The following ASAP2 variants were observed in gnomAD, a reference collection of about 807,000 sequenced individuals.
The protein encoded by ASAP2 is arf-GAP with SH3 domain, ANK repeat and PH domain-containing protein 2.
In ASAP2, 45 loss-of-function variants were observed where a neutral mutation model predicts 131.4. The ratio of observed to expected loss-of-function variants is 0.34; its 90% CI spans 0.27 to 0.44. The LOEUF (loss-of-function observed/expected upper bound fraction) is 0.44. Ranked by LOEUF, ASAP2 falls within the 20% of genes least tolerant of loss-of-function variation. The pLI is 1.00. For missense variants in ASAP2, 1,011 were observed against 1,297.0 expected (o/e 0.78, Z 3.39); for synonymous variants, 510 against 503.0 (o/e 1.01, Z -0.19).
intron 1 of ASAP2, among the ~76,000 whole-genome samples, chr2:9,244,402 A>G (rs1420547620): frequency 2.0e-5 from 3 of 152,256 alleles, no homozygotes; most frequent in South Asian, 2.1e-4. Flanking sequence ...TTGTCTTTGG[A>G]AGATTAAGTG....
intron 9 of ASAP2, 138 bp downstream of exon 9, chr2:9,335,317 G>A (rs1357375866): frequency 7.2e-6 from 5 of 697,732 alleles, no homozygotes; most frequent in Non-Finnish European, 1.2e-5. Flanking sequence ...AACATTTAAT[G>A]TATTCTTGCA....
intron 1 of ASAP2, among the ~76,000 whole-genome samples, chr2:9,271,963 T>G (rs888134657): frequency 6.6e-6 from 1 of 152,204 alleles, no homozygotes; most frequent in Non-Finnish European, 1.5e-5. Flanking sequence ...CTTCTGTTAG[T>G]GGACACTTAG....
chr2:9,364,687 C>G (rs937963889), intron 15 of ASAP2, among the ~76,000 whole-genome samples: 4 of 152,208 alleles, frequency 2.6e-5, no homozygotes, highest in African/African-American at 9.6e-5. Flanking sequence ...GAGAGGAAAG[C>G]TCCTCAAAGA....
Position 9,368,431 on chromosome 2 carries a change from A to G in ASAP2, c.1468A>G (p.Lys490Glu), listed in dbSNP as rs368092375. 3.1e-6 allele frequency: 5 copies of G among 1,614,032 alleles called. No individual in the cohort carries two copies. Among genetic ancestry groups the G allele is most frequent in the Non-Finnish European group, 4.2e-6 (5 of 1,180,016 alleles). The stretch of plus-strand genomic sequence containing the variant: ...TAGACTTTCATTTTTGCAGCTCGCC[A>G]AGAATATTGGGAATGCAGGCTTTAA... ...VLGTSELLLAKNIGNAGFNEI... is the reference protein window; with the variant it reads ...VLGTSELLLAENIGNAGFNEI... The change falls in exon 16 of 28, where the codon AAG (lysine) becomes GAG (glutamate). Residue 490 changes from lysine to glutamate, a missense_variant. By Grantham distance (56) the Lys-to-Glu change is moderately conservative (BLOSUM62 1). Transcript: ENST00000281419.
rs193157909 is a variant in ASAP2 at position 9,232,316 on chromosome 2, G to A, written c.126+25086G>A. Among the ~76,000 whole-genome samples, 183 of 152,184 alleles carry A rather than the reference G, an allele frequency of 1.2e-3. No individual in the cohort carries two copies. Among genetic ancestry groups the A allele is most frequent in the African/African-American group, 4.3e-3 (177 of 41,530 alleles). On this transcript the variant is annotated intron_variant, in intron 1 of 27. Coordinates refer to ENST00000281419, the MANE Select transcript of ASAP2 (RefSeq NM_003887.3). The surrounding 1 kb of genome is among the most constrained non-coding windows in gnomAD (Gnocchi z 4.1). ...TGTTTGTAGAGTCGCCCTGCTCTTC[G>A]TATCTCCCTGCCTGTTCTGTGAAGT... is the stretch of plus-strand genomic sequence containing the variant.
At position 9,395,594 on chromosome 2, in the gene ASAP2, C is replaced by CTTTTTTTTT; in HGVS notation, c.2684+1970_2684+1978dup. ...GTTTTGTTTTTCTTGTGTTTTTTTT[C>CTTTTTTTTT]TTTTTTTTTTTTTTTTTTTTTTTTT... On this transcript the variant is annotated intron_variant, in intron 24 of 27. Coordinates refer to ENST00000281419, the MANE Select transcript of ASAP2 (RefSeq NM_003887.3). Among the ~76,000 whole-genome samples the CTTTTTTTTT allele has an allele frequency of 2.3e-3, 137 of 59,056 alleles. 22 individuals are homozygous for CTTTTTTTTT. Among genetic ancestry groups the CTTTTTTTTT allele is most frequent in the Non-Finnish European group, 3.8e-3 (103 of 27,438 alleles). 38.7% of individuals were successfully genotyped at this position (59,056 alleles called of 152,430 possible). A position where few individuals can be genotyped will look rare whatever the true frequency, so the allele number is the denominator to read the frequency against.
chr2:9,259,567 A>G (rs568508233), intron 1 of ASAP2, among the ~76,000 whole-genome samples: 1 of 77,158 alleles, frequency 1.3e-5, no homozygotes, highest in African/African-American at 6.7e-5. Context: ...CCAAAACCTT[A>G]AGGAACAAAA....
At chr2:9,393,312 T>C (rs1004065514) in intron 23 of ASAP2, among the ~76,000 whole-genome samples, 170 bp from the exon 24 acceptor site, 2 of 152,338 alleles carry the variant, frequency 1.3e-5, no homozygotes, top group Middle Eastern at 3.4e-3. Context: ...GACTCCCTGC[T>C]TCCTCCCTGT....
Position 9,297,517 on chromosome 2 carries a change from G to GT in ASAP2, c.345+75dup. On this transcript the variant is annotated intron_variant, in intron 3 of 27. Coordinates refer to ENST00000281419, the MANE Select transcript of ASAP2 (RefSeq NM_003887.3). ...AGTGGCTCAGTAGAGGATAGTTATG[G>GT]TTTGTTTGATAAACTAGGAATGCAT... 5 of 1,555,398 alleles carry GT rather than the reference G, an allele frequency of 3.2e-6. No individual in the cohort carries two copies. In the South Asian group the frequency reaches 5.8e-5, roughly 18 times the overall value.
intron 20 of ASAP2, 79 bp from the exon 21 acceptor site, chr2:9,385,166 C>T (rs1344376168): frequency 2.7e-6 from 3 of 1,113,284 alleles, no homozygotes; most frequent in Non-Finnish European, 4.0e-6. Context: ...GGCAGGCCTC[C>T]TGCCTGCACA....
chr2:9,226,816 A>T (rs1302769890), intron 1 of ASAP2, among the ~76,000 whole-genome samples: 1 of 152,128 alleles, frequency 6.6e-6, no homozygotes, highest in Non-Finnish European at 1.5e-5. Flanking sequence ...TCGGTGTGTG[A>T]TCTCTCTCCC....
chr2:9,400,275 T>C (rs1195326868), intron 25 of ASAP2, among the ~76,000 whole-genome samples: 1,030 of 23,514 alleles, frequency 0.044, 7 homozygotes, highest in Non-Finnish European at 0.058. Context: ...TTCCTCTCCT[T>C]CCTTCCCTCC....
chr2:9,331,046 T>C (rs2148545238), intron 7 of ASAP2, among the ~76,000 whole-genome samples: 1 of 152,364 alleles, frequency 6.6e-6, no homozygotes, highest in Middle Eastern at 3.4e-3. Flanking sequence ...CGTGCGTGTT[T>C]CCACGTGTGG....
At chr2:9,267,476 A>G (rs1666019415) in intron 1 of ASAP2, among the ~76,000 whole-genome samples, 2 of 152,128 alleles carry the variant, frequency 1.3e-5, no homozygotes, top group Admixed American at 1.3e-4. Context: ...GACATGATTT[A>G]GTTCTTTTTT....
intron 6 of ASAP2, among the ~76,000 whole-genome samples, chr2:9,325,284 G>A (rs1670409352): frequency 6.6e-6 from 1 of 152,266 alleles, no homozygotes; most frequent in Non-Finnish European, 1.5e-5. Context: ...AGAAATCAGC[G>A]AGACAGCATG....
At chr2:9,351,026 A>G (rs1672298925) in intron 12 of ASAP2, 131 bp downstream of exon 12, 2 of 641,068 alleles carry the variant, frequency 3.1e-6, no homozygotes, top group Non-Finnish European at 5.0e-6. Flanking sequence ...TTCTAGTGAT[A>G]TGCGTGCTTT....
At chr2:9,401,777 G>A (rs1052046669) in intron 27 of ASAP2, among the ~76,000 whole-genome samples, 15 of 152,248 alleles carry the variant, frequency 9.9e-5, no homozygotes, top group Admixed American at 6.5e-4. Flanking sequence ...GTCTGGTCCT[G>A]AAACAAGCTG....
intron 24 of ASAP2, chr2:9,399,535 T>G: frequency 6.2e-6 from 1 of 162,376 alleles, no homozygotes; most frequent in Admixed American, 5.8e-5. Flanking sequence ...GCCCAGAGGT[T>G]CATGGATGGG....
rs1054695689 is a variant in ASAP2, at chr2:9,392,475, C to G, written c.2519-1007C>G. 4.6e-5 allele frequency among the ~76,000 whole-genome samples: 7 copies of G among 152,066 alleles called. No homozygotes were observed. Among genetic ancestry groups the G allele is most frequent in the African/African-American group, 1.4e-4 (6 of 41,394 alleles). ...GAGTCAGTGCCATGTGTGCACATGCCGGCAGCAGAGCCGGGAGCAGTGGGT... is the reference window on the plus strand; with the variant it reads ...GAGTCAGTGCCATGTGTGCACATGCGGGCAGCAGAGCCGGGAGCAGTGGGT... On this transcript the variant is annotated intron_variant, in intron 23 of 27. Coordinates refer to ENST00000281419, the MANE Select transcript of ASAP2 (RefSeq NM_003887.3). The surrounding 1 kb of genome is among the most constrained non-coding windows in gnomAD (Gnocchi z 4.0).
Sources: gnomAD v4.1 joint callset for allele counts (sites outside exome capture counted in the v4.1 genomes callset) on GRCh38, gnomAD v4.1.1 for gene constraint, Gnocchi (gnomAD v3.1) non-coding constraint, MANE v1.5 for transcripts, NCBI Gene and HGNC (gene_info 2026-07-23, HGNC 2026-07-21) for gene names.